Variants in CDH20 observed in about 807,000 individuals in gnomAD.
CDH20 encodes the protein cadherin-20.
A neutral mutation model predicts 74.2 loss-of-function variants in CDH20; 29 were observed. The observed-to-expected ratio is 0.39, with a 90% CI of 0.29 to 0.53. The LOEUF (loss-of-function observed/expected upper bound fraction) is 0.53, where lower values mean the gene tolerates loss of function less well. CDH20 is among the 20% of genes least tolerant of loss of function. CDH20 has a pLI of 0.69. For missense variants in CDH20, 988 were observed against 1,048.3 expected (o/e 0.94, Z 0.79); for synonymous variants, 469 against 405.4 (o/e 1.16, Z -1.88).
chr18:61,420,464 A>G (rs1231993593), intron 1 of CDH20, among the ~76,000 whole-genome samples: 1 of 151,858 alleles, frequency 6.6e-6, no homozygotes, highest in East Asian at 1.9e-4. Context: ...CAAATTGTTC[A>G]ATATACTTGC....
chr18:61,397,455 T>G (rs77228796), intron 1 of CDH20, among the ~76,000 whole-genome samples: 5,570 of 152,266 alleles, frequency 0.037, 148 homozygotes, highest in South Asian at 0.052. Context: ...TCCCAGGGTC[T>G]GGATACTCTC....
At chr18:61,396,894 G>T (rs973937282) in intron 1 of CDH20, among the ~76,000 whole-genome samples, 3 of 152,162 alleles carry the variant, frequency 2.0e-5, no homozygotes, top group Non-Finnish European at 4.4e-5. Context: ...TTTGCAATTT[G>T]TCCACACACA....
intron 1 of CDH20, among the ~76,000 whole-genome samples, chr18:61,423,708 T>A (rs1428296505): frequency 6.6e-6 from 1 of 152,148 alleles, no homozygotes; most frequent in African/African-American, 2.4e-5. Context: ...CATAAAAAAA[T>A]TGCTAAATTC....
chr18:61,459,122 TTTTTA>T (rs1909681627), intron 1 of CDH20, among the ~76,000 whole-genome samples: 1 of 152,226 alleles, frequency 6.6e-6, no homozygotes, highest in South Asian at 2.1e-4. Flanking sequence ...ATTATCATCT[TTTTTA>T]TTTAAAGCTT....
At chr18:61,440,460 A>G (rs1908991590) in intron 1 of CDH20, among the ~76,000 whole-genome samples, 1 of 152,190 alleles carries the variant, frequency 6.6e-6, no homozygotes, top group African/African-American at 2.4e-5. Context: ...GACATAGCCG[A>G]CTAATACACT....
chr18:61,450,874 G>T (rs1355732036), intron 1 of CDH20, among the ~76,000 whole-genome samples: 1 of 151,910 alleles, frequency 6.6e-6, no homozygotes, highest in Non-Finnish European at 1.5e-5. Context: ...AGCCAATCCT[G>T]TGTTGGTGAA....
intron 2 of CDH20, among the ~76,000 whole-genome samples, chr18:61,497,559 G>A (rs1011578939): frequency 3.9e-5 from 6 of 152,186 alleles, no homozygotes; most frequent in Admixed American, 2.6e-4. Context: ...GAAGAGCTGA[G>A]TGTGCTAATA....
chr18:61,376,049 G>A (rs777288228), intron 1 of CDH20, among the ~76,000 whole-genome samples: 4 of 151,924 alleles, frequency 2.6e-5, no homozygotes, highest in Non-Finnish European at 5.9e-5. Flanking sequence ...ATGAATTATT[G>A]CATTTATTAA....
At chr18:61,379,124 A>G (rs757620) in intron 1 of CDH20, among the ~76,000 whole-genome samples, 69,580 of 152,018 alleles carry the variant, frequency 0.46, 16,496 homozygotes, top group East Asian at 0.8. Context: ...TTGAAATGAT[A>G]TATAAAAATG....
intron 1 of CDH20, among the ~76,000 whole-genome samples, chr18:61,468,732 T>A (rs1910055019): frequency 6.6e-6 from 1 of 152,340 alleles, no homozygotes; most frequent in South Asian, 2.1e-4. Flanking sequence ...CTATGGGCCA[T>A]GACCTGTGGG....
intron 1 of CDH20, among the ~76,000 whole-genome samples, chr18:61,482,809 G>A (rs997611429): frequency 6.6e-6 from 1 of 151,944 alleles, no homozygotes; most frequent in Non-Finnish European, 1.5e-5. Flanking sequence ...ACATTACTTT[G>A]GCATGTTCAA....
chr18:61,453,982 G>C (rs937896860), intron 1 of CDH20, among the ~76,000 whole-genome samples: 4 of 152,118 alleles, frequency 2.6e-5, no homozygotes, highest in Non-Finnish European at 4.4e-5. Context: ...TGTTGGCACT[G>C]TTTTACGTCA....
chr18:61,447,144 A>T (rs577121751), intron 1 of CDH20, among the ~76,000 whole-genome samples: 1 of 152,308 alleles, frequency 6.6e-6, no homozygotes, highest in South Asian at 2.1e-4. Context: ...TGAGGGAAAA[A>T]TTTACACTGA....
At chr18:61,347,361 T>G (rs1204666239) in intron 1 of CDH20, among the ~76,000 whole-genome samples, 16 of 128,796 alleles carry the variant, frequency 1.2e-4, no homozygotes, top group African/African-American at 5.0e-4. Flanking sequence ...CATATATATA[T>G]ACACAAAAAT....
intron 1 of CDH20, among the ~76,000 whole-genome samples, chr18:61,358,154 G>A (rs1191612564): frequency 2.7e-5 from 4 of 147,076 alleles, no homozygotes; most frequent in East Asian, 2.0e-4. Flanking sequence ...TTGCTGTGAC[G>A]CCCAGGCTGG....
intron 1 of CDH20, among the ~76,000 whole-genome samples, chr18:61,402,578 G>T (rs944085943): frequency 6.6e-6 from 1 of 152,102 alleles, no homozygotes; most frequent in Admixed American, 6.6e-5. Flanking sequence ...TGAATAACCT[G>T]CCTGATGGTA....
intron 11 of CDH20, among the ~76,000 whole-genome samples, chr18:61,551,064 T>C (rs1486740502): frequency 6.6e-6 from 1 of 152,176 alleles, no homozygotes; most frequent in Non-Finnish European, 1.5e-5. Flanking sequence ...AGAACACTAC[T>C]GGGGTAAGGA....
At chr18:61,415,458 G>A (rs1446324109) in intron 1 of CDH20, among the ~76,000 whole-genome samples, 1 of 152,124 alleles carries the variant, frequency 6.6e-6, no homozygotes, top group Non-Finnish European at 1.5e-5. Context: ...AATATTGGTG[G>A]ACTAGACTGA....
intron 1 of CDH20, among the ~76,000 whole-genome samples, chr18:61,410,090 A>G (rs1450795553): frequency 3.3e-5 from 5 of 152,144 alleles, no homozygotes; most frequent in African/African-American, 1.2e-4. Flanking sequence ...TGACACTACT[A>G]TTGTCCTACT....
Sources: gnomAD v4.1 joint callset for allele counts (sites outside exome capture counted in the v4.1 genomes callset) on GRCh38, gnomAD v4.1.1 for gene constraint, MANE v1.5 for transcripts, NCBI Gene and HGNC (gene_info 2026-07-23, HGNC 2026-07-21) for gene names.